TRAPPC8: variants seen among roughly 807,000 people sequenced by gnomAD.
TRAPPC8 encodes the protein trafficking protein particle complex subunit 8, also known as general sporulation gene 1 homolog.
TRAPPC8 carries 54 observed loss-of-function variants against 174.3 expected under a neutral mutation model. That is an observed-to-expected ratio of 0.31 (90% confidence interval 0.25 to 0.39). The LOEUF (loss-of-function observed/expected upper bound fraction) is 0.39, where lower values mean the gene tolerates loss of function less well. Among genes scored for constraint, TRAPPC8 ranks in the 10% least tolerant of loss-of-function variants. TRAPPC8 has a pLI of 1.00. For missense variants in TRAPPC8, 1,531 were observed against 1,699.1 expected (o/e 0.90, Z 1.74); for synonymous variants, 630 against 579.9 (o/e 1.09, Z -1.24).
At chr18:31,867,930 G>A (rs959585909) in intron 16 of TRAPPC8, among the ~76,000 whole-genome samples, 5 of 152,006 alleles carry the variant, frequency 3.3e-5, no homozygotes, top group African/African-American at 7.2e-5. Flanking sequence ...AACCCTGAGA[G>A]AAAATACCTA....
chr18:31,849,072 CA>C lies in TRAPPC8; in HGVS notation c.3735+493del, dbSNP rs11361265. On this transcript the variant is annotated intron_variant, in intron 25 of 28. Coordinates refer to ENST00000283351, the MANE Select transcript of TRAPPC8 (RefSeq NM_014939.5). ...GATAATACTGTGCAGTTATATTAAA[CA>C]AAAAAGTCTTCATCTGTTAAAAGTA... is the stretch of plus-strand genomic sequence containing the variant. Among the ~76,000 whole-genome samples the C allele has an allele frequency of 8.9e-3, 1,353 of 151,690 alleles. 21 individuals are homozygous for C. The highest frequency in any genetic ancestry group is 0.03 in the African/African-American group (1,245 of 41,370).
At chr18:31,853,200 C>G (rs1262830150) in intron 22 of TRAPPC8, among the ~76,000 whole-genome samples, 17 of 152,104 alleles carry the variant, frequency 1.1e-4, no homozygotes, top group Admixed American at 1.1e-3. Flanking sequence ...GATAAACTCA[C>G]CAGTGGTAAA....
intron 24 of TRAPPC8, 53 bp downstream of exon 24, chr18:31,852,393 G>C (rs996294604): frequency 6.3e-7 from 1 of 1,586,034 alleles, no homozygotes. Flanking sequence ...AAAATACCCA[G>C]ATATGCTATA....
At position 31,908,396 on chromosome 18, in the gene TRAPPC8, C is replaced by T. The variant is rs1323025411; in HGVS notation, c.1145G>A (p.Ser382Asn). The T allele has an allele frequency of 1.3e-6, 2 of 1,592,910 alleles. No homozygotes were observed. The highest frequency in any genetic ancestry group is 1.4e-5 in the African/African-American group (1 of 73,872). ...TTTAGTTGCAGAAAATAGAGATCGA[C>T]TCAAACCTTTTCTTGATATTAGCTT... The part of the protein sequence containing the change: ...NDQLISRKGL[S>N]RSLFSATKKW... Residue 382 changes from serine to asparagine, a missense_variant, in exon 8 of 29, where the codon AGT (serine) becomes AAT (asparagine). Physicochemically the swap from Ser to Asn is conservative, Grantham distance 46. Transcript: ENST00000283351.
At chr18:31,932,695 T>G (rs917849964) in intron 1 of TRAPPC8, among the ~76,000 whole-genome samples, 24 of 151,918 alleles carry the variant, frequency 1.6e-4, no homozygotes, top group African/African-American at 5.8e-4. Context: ...AGCAGTCCAT[T>G]ACAGGGCTGG....
At chr18:31,891,843 G>A (rs2035965744) in intron 11 of TRAPPC8, among the ~76,000 whole-genome samples, 1 of 152,158 alleles carries the variant, frequency 6.6e-6, no homozygotes, top group Non-Finnish European at 1.5e-5. Context: ...AACTGTCTCT[G>A]CGTCAATCAT....
intron 19 of TRAPPC8, among the ~76,000 whole-genome samples, chr18:31,861,844 T>TA (rs2034337983): frequency 7.0e-6 from 1 of 142,134 alleles, no homozygotes; most frequent in Non-Finnish European, 1.5e-5. Context: ...GAAGAACACT[T>TA]GAGTCCAGGA....
intron 27 of TRAPPC8, among the ~76,000 whole-genome samples, chr18:31,837,014 G>A (rs1041001797): frequency 6.6e-6 from 1 of 151,908 alleles, no homozygotes; most frequent in African/African-American, 2.4e-5. Flanking sequence ...CGCCCGCCTT[G>A]GCCTCCCAAA....
chr18:31,864,205 T>C (rs567084545), intron 19 of TRAPPC8, among the ~76,000 whole-genome samples: 1 of 151,756 alleles, frequency 6.6e-6, no homozygotes, highest in South Asian at 2.1e-4. Flanking sequence ...TTAATTTGTA[T>C]GGTATAAAAG....
intron 5 of TRAPPC8, among the ~76,000 whole-genome samples, chr18:31,912,222 G>A (rs553250515): frequency 2.8e-4 from 42 of 152,302 alleles, no homozygotes; most frequent in Non-Finnish European, 5.1e-4. Context: ...TGGGCATGAT[G>A]GCTCATGCCT....
At chr18:31,892,401 C>T (rs867129927) in intron 11 of TRAPPC8, among the ~76,000 whole-genome samples, 40 of 152,266 alleles carry the variant, frequency 2.6e-4, no homozygotes, top group African/African-American at 9.4e-4. Flanking sequence ...AAGACATCTA[C>T]ATCTGTCTCA....
chr18:31,915,089 T>C (rs1349117707), intron 4 of TRAPPC8, among the ~76,000 whole-genome samples: 9 of 152,186 alleles, frequency 5.9e-5, no homozygotes, highest in Non-Finnish European at 1.0e-4. Flanking sequence ...ATAACAGCTA[T>C]GATCTACAGT....
chr18:31,880,093 ATAT>A (rs1568082742), intron 12 of TRAPPC8, among the ~76,000 whole-genome samples: 762 of 63,274 alleles, frequency 0.012, 11 homozygotes, highest in African/African-American at 0.026. Context: ...AAAAAAAAAT[ATAT>A]ATATATATAT....
rs576090125 is a variant in TRAPPC8 at position 31,843,760 on chromosome 18, A to G, written c.3837+2956T>C. ...AAGCAAACAAATTCAACCTCAATAA[A>G]TAAGTCTACCTGGGGGATAGACGGA... On this transcript the variant is annotated intron_variant, in intron 26 of 28. Coordinates refer to ENST00000283351, the MANE Select transcript of TRAPPC8 (RefSeq NM_014939.5). 1.2e-4 allele frequency among the ~76,000 whole-genome samples: 18 copies of G among 152,362 alleles called. No homozygotes were observed. In the South Asian group the frequency reaches 2.1e-3, roughly 18 times the overall value.
Position 31,907,463 on chromosome 18 carries a change from G to A in TRAPPC8, c.1386C>T (p.Ala462=), listed in dbSNP as rs1377724611. ...NDQAMLYAAG[A]LEMAAVSAFL... ...TATAATACCATAGAATACCAACCAA[G>A]GCACCAGCTGCATAAAGCATTGCTT... Residue 462 remains alanine, a synonymous_variant, in exon 9 of 29, where the codon GCC becomes GCT. Transcript: ENST00000283351. 6 of 1,582,656 alleles carry A rather than the reference G, an allele frequency of 3.8e-6. No individual in the cohort carries two copies. The highest frequency in any genetic ancestry group is 5.2e-6 in the Non-Finnish European group (6 of 1,162,816).
intron 24 of TRAPPC8, among the ~76,000 whole-genome samples, chr18:31,851,663 G>A (rs1279520456): frequency 4.0e-5 from 6 of 151,860 alleles, no homozygotes; most frequent in East Asian, 1.9e-4. Context: ...GGCCCTCTAC[G>A]TAACTCTTAT....
At chr18:31,904,614 A>G (rs578153525) in intron 9 of TRAPPC8, among the ~76,000 whole-genome samples, 9 of 152,216 alleles carry the variant, frequency 5.9e-5, no homozygotes, top group Non-Finnish European at 1.2e-4. Flanking sequence ...GACAATATGA[A>G]CGATATCTAT....
intron 21 of TRAPPC8, among the ~76,000 whole-genome samples, chr18:31,854,724 T>C (rs1035751451): frequency 1.3e-5 from 2 of 151,878 alleles, no homozygotes; most frequent in African/African-American, 4.8e-5. Flanking sequence ...ATCCCAGCAC[T>C]TGGGGAGGCC....
intron 20 of TRAPPC8, among the ~76,000 whole-genome samples, chr18:31,856,465 T>C (rs1880182160): frequency 4.4e-5 from 1 of 22,898 alleles, no homozygotes; most frequent in Admixed American, 2.3e-4. Context: ...TGATCTTAAG[T>C]GAGGCCCACC....
Sources: allele counts gnomAD v4.1 joint callset (sites outside exome capture counted in the v4.1 genomes callset), GRCh38; gene constraint gnomAD v4.1.1; transcripts MANE v1.5; gene names NCBI Gene and HGNC (gene_info 2026-07-23, HGNC 2026-07-21).